RFTN1: variants seen among roughly 807,000 people sequenced by gnomAD.
RFTN1 encodes raftlin.
In RFTN1, 26 loss-of-function variants were observed where a neutral mutation model predicts 46.5. The ratio of observed to expected loss-of-function variants is 0.56; its 90% CI spans 0.41 to 0.78. The LOEUF (loss-of-function observed/expected upper bound fraction) is 0.78. RFTN1 is among the 30% of genes least tolerant of loss of function. The pLI is 0.00. For synonymous variants in RFTN1, 261 were observed against 284.2 expected, an observed-to-expected ratio of 0.92 and a Z score of 0.82; for missense variants, 693 against 718.7, an observed-to-expected ratio of 0.96 and a Z score of 0.41.
Position 16,342,251 on chromosome 3 carries a change from C to T in RFTN1, c.1147-15375G>A, listed in dbSNP as rs1245723715. On this transcript the variant is annotated intron_variant, in intron 7 of 9. Transcript: ENST00000334133. This position sits in a 1 kb window ranked among gnomAD's most constrained non-coding sequence, Gnocchi z 4.0. ...CACGAGTCCACTTTTTGTCTCTATG[C>T]ACTTGCCTCACCTGGATATTTCATA... Among the ~76,000 whole-genome samples, 1 of 152,102 alleles carries T rather than the reference C, an allele frequency of 6.6e-6. No homozygotes were observed. Among genetic ancestry groups the T allele is most frequent in the African/African-American group, 2.4e-5 (1 of 41,394 alleles).
At chr3:16,408,976 G>C (rs1364630831) in intron 4 of RFTN1, among the ~76,000 whole-genome samples, 1 of 152,226 alleles carries the variant, frequency 6.6e-6, no homozygotes. Context: ...GAATGTGGGT[G>C]GCCCAGGACT....
rs1353431709 is a variant in RFTN1 at position 16,425,457 on chromosome 3, T to C, written c.332+8394A>G. Among the ~76,000 whole-genome samples the C allele has an allele frequency of 2.6e-5, 4 of 151,692 alleles. No homozygotes were observed. The South Asian group carries it at 8.3e-4, about 31-fold the overall frequency. ...GGAAATCACTAGTGTGCTAATTCTC[T>C]CTCTCAGAAGAAACAAACAAACAAA... is the stretch of plus-strand genomic sequence containing the variant. On this transcript the variant is annotated intron_variant, in intron 3 of 9. Coordinates refer to ENST00000334133, the MANE Select transcript of RFTN1 (RefSeq NM_015150.2). The surrounding 1 kb of genome is among the most constrained non-coding windows in gnomAD (Gnocchi z 4.3).
intron 3 of RFTN1, among the ~76,000 whole-genome samples, chr3:16,415,099 C>A (rs1159422104): frequency 6.6e-6 from 1 of 152,054 alleles, no homozygotes; most frequent in Non-Finnish European, 1.5e-5. Flanking sequence ...ATGATGATGG[C>A]TCAGAGTGGG....
In RFTN1 at chr3:16,445,466, T is replaced by TTCTCTC. The variant is rs374357758; in HGVS notation, c.146-11435_146-11430dup. Among the ~76,000 whole-genome samples the TTCTCTC allele has an allele frequency of 8.9e-3, 1,039 of 116,216 alleles. 20 individuals carry two copies. The highest frequency in any genetic ancestry group is 0.034 in the African/African-American group (957 of 28,390). The allele number at this position is 116,216 out of a possible 152,430, so 76.2% of individuals were successfully genotyped here. A position where few individuals can be genotyped will look rare whatever the true frequency, so the allele number is the denominator to read the frequency against. On this transcript the variant is annotated intron_variant, in intron 2 of 9. Coordinates refer to ENST00000334133, the MANE Select transcript of RFTN1 (RefSeq NM_015150.2). ...CTGTTGCCATTTTTTCTTTCTCTCTTTCTCTCTCTCTCTCTCTCACACACA... is the reference window on the plus strand; with the variant it reads ...CTGTTGCCATTTTTTCTTTCTCTCTTTCTCTCTCTCTCTCTCTCTCTCTCACACACA...
chr3:16,409,676 C>T (rs1470415393), intron 3 of RFTN1, among the ~76,000 whole-genome samples, 193 bp from the exon 4 acceptor site: 3 of 140,960 alleles, frequency 2.1e-5, no homozygotes, highest in African/African-American at 8.0e-5. Flanking sequence ...CACTACCACA[C>T]CCGGCTAATT....
chr3:16,502,071 T>C (rs2076719301), intron 1 of RFTN1, among the ~76,000 whole-genome samples: 1 of 152,184 alleles, frequency 6.6e-6, no homozygotes, highest in Non-Finnish European at 1.5e-5. Flanking sequence ...CATTTTCAAG[T>C]TTTCTTTGTT....
rs1408716743 is a variant in RFTN1 at position 16,344,169 on chromosome 3, T to A, written c.1146+13763A>T. On this transcript the variant is annotated intron_variant, in intron 7 of 9. Coordinates refer to ENST00000334133, the MANE Select transcript of RFTN1 (RefSeq NM_015150.2). The surrounding 1 kb of genome is among the most constrained non-coding windows in gnomAD (Gnocchi z 4.4). ...TTCTATATTATTGACTTTTTGGAGC[T>A]TAAATACAATTTGTTGATACTTAAA... Among the ~76,000 whole-genome samples, 1 of 152,206 alleles carries A rather than the reference T, an allele frequency of 6.6e-6. No individual in the cohort carries two copies. Among genetic ancestry groups the A allele is most frequent in the African/African-American group, 2.4e-5 (1 of 41,454 alleles).
At chr3:16,510,357 G>T (rs2076876906) in intron 1 of RFTN1, among the ~76,000 whole-genome samples, 1 of 152,154 alleles carries the variant, frequency 6.6e-6, no homozygotes, top group African/African-American at 2.4e-5. Context: ...GGGGCTTGGG[G>T]TTATTTTTCT....
rs1287761435 is a variant in RFTN1, at chr3:16,381,093, A to G, written c.442-2991T>C. On this transcript the variant is annotated intron_variant, in intron 4 of 9. Transcript: ENST00000334133. The surrounding 1 kb of genome is among the most constrained non-coding windows in gnomAD (Gnocchi z 4.2). ...ACGAACAGAGTTTAAAAATAATTAC[A>G]CTATCATGGAACAATTAATGCTTGA... Among the ~76,000 whole-genome samples the G allele has an allele frequency of 6.6e-6, 1 of 152,248 alleles. No individual in the cohort carries two copies. The highest frequency in any genetic ancestry group is 1.9e-4 in the East Asian group (1 of 5,198).
Position 16,493,730 on chromosome 3 carries a change from C to T in RFTN1, c.140G>A (p.Ser47Asn), listed in dbSNP as rs1316857528. 3.1e-6 allele frequency: 5 copies of T among 1,612,924 alleles called. No homozygotes were observed. The East Asian group carries it at 8.9e-5, about 29-fold the overall frequency. The change falls in exon 2 of 10, where the codon AGT (serine) becomes AAT (asparagine). Residue 47 changes from serine (S) to asparagine (N), a missense_variant. Transcript: ENST00000334133. ...TTCCCACCCCATGTACTCACCAGCA[C>T]TCAGAGTCGTGAACTCCAGGAAGCG... ...EYRFLEFTTLSAAELPGSSAV... is the reference protein window; with the variant it reads ...EYRFLEFTTLNAAELPGSSAV...
At position 16,446,403 on chromosome 3, in the gene RFTN1, T is replaced by C. The variant is rs545265278; in HGVS notation, c.146-12366A>G. 1.8e-4 allele frequency among the ~76,000 whole-genome samples: 27 copies of C among 151,964 alleles called. No individual in the cohort carries two copies. The South Asian group carries it at 5.4e-3, about 30-fold the overall frequency. Reference sequence around the variant, plus strand: ...GTCGTGCAACCATCACCACCATCTATCTCCAGGAAATCTTCATCGGCCTCA... The same window carrying C: ...GTCGTGCAACCATCACCACCATCTACCTCCAGGAAATCTTCATCGGCCTCA... On this transcript the variant is annotated intron_variant, in intron 2 of 9. Transcript: ENST00000334133. The surrounding 1 kb of genome is among the most constrained non-coding windows in gnomAD (Gnocchi z 4.5).
intron 6 of RFTN1, among the ~76,000 whole-genome samples, chr3:16,366,740 T>C (rs62236264): frequency 0.046 from 6,851 of 149,504 alleles, 182 homozygotes; most frequent in Middle Eastern, 0.12. Flanking sequence ...TTCACTGAGG[T>C]ATTGTGAGGA....
In RFTN1 at chr3:16,491,402, G is replaced by A. The variant is rs557428257; in HGVS notation, c.145+2323C>T. 6.6e-5 allele frequency among the ~76,000 whole-genome samples: 10 copies of A among 152,330 alleles called. No homozygotes were observed. The South Asian group carries it at 2.1e-3, about 32-fold the overall frequency. ...GTGGTGGCAGCCACAGGAGAGCTCT[G>A]AGCAGAGAACTGGCAGGATCTGTAG... On this transcript the variant is annotated intron_variant, in intron 2 of 9. Coordinates refer to ENST00000334133, the MANE Select transcript of RFTN1 (RefSeq NM_015150.2).
At position 16,429,255 on chromosome 3, in the gene RFTN1, G is replaced by A. The variant is rs781688165; in HGVS notation, c.332+4596C>T. Among the ~76,000 whole-genome samples the A allele has an allele frequency of 6.6e-6, 1 of 152,218 alleles. No individual in the cohort carries two copies. Among genetic ancestry groups the A allele is most frequent in the Non-Finnish European group, 1.5e-5 (1 of 68,036 alleles). On this transcript the variant is annotated intron_variant, in intron 3 of 9. Transcript: ENST00000334133. The surrounding 1 kb of genome is among the most constrained non-coding windows in gnomAD (Gnocchi z 6.4). ...AAGTGAAATCTGTCAAAATGGCAGT[G>A]AGCTCAGAGGAATGTTACTGCACTT...
At chr3:16,319,270 C>G (rs1227972501) in intron 9 of RFTN1, among the ~76,000 whole-genome samples, 1 of 152,150 alleles carries the variant, frequency 6.6e-6, no homozygotes, top group Non-Finnish European at 1.5e-5. Flanking sequence ...TCAGGGAAGT[C>G]AGAGGAAGTT....
In RFTN1 at chr3:16,413,667, C is replaced by T. The variant is rs1190593740; in HGVS notation, c.333-4184G>A. Reference sequence around the variant, plus strand: ...ACACAGGGTTAACTAACAGCAAAAGCCCCCCCAACCTACTTTATCTGGAAA... The same window carrying T: ...ACACAGGGTTAACTAACAGCAAAAGTCCCCCCAACCTACTTTATCTGGAAA... On this transcript the variant is annotated intron_variant, in intron 3 of 9. Transcript: ENST00000334133. The surrounding 1 kb of genome is among the most constrained non-coding windows in gnomAD (Gnocchi z 4.7). Among the ~76,000 whole-genome samples, 1 of 152,086 alleles carries T rather than the reference C, an allele frequency of 6.6e-6. No individual in the cohort carries two copies.
chr3:16,475,181 G>A lies in RFTN1; in HGVS notation c.145+18544C>T, dbSNP rs1179669784. 6.6e-6 allele frequency among the ~76,000 whole-genome samples: 1 copy of A among 152,240 alleles called. No individual in the cohort carries two copies. Among genetic ancestry groups the A allele is most frequent in the Admixed American group, 6.5e-5 (1 of 15,288 alleles). On this transcript the variant is annotated intron_variant, in intron 2 of 9. Coordinates refer to ENST00000334133, the MANE Select transcript of RFTN1 (RefSeq NM_015150.2). This position sits in a 1 kb window ranked among gnomAD's most constrained non-coding sequence, Gnocchi z 4.2. Reference sequence around the variant, plus strand: ...GCACAATGTTTGGAAGCTCCTGGAAGCCCTCACCAGAAGCAGATGCTGACG... The same window carrying A: ...GCACAATGTTTGGAAGCTCCTGGAAACCCTCACCAGAAGCAGATGCTGACG...
At chr3:16,392,940 G>A (rs1182201146) in intron 4 of RFTN1, among the ~76,000 whole-genome samples, 1 of 152,170 alleles carries the variant, frequency 6.6e-6, no homozygotes, top group Non-Finnish European at 1.5e-5. Flanking sequence ...ACTGTTCACA[G>A]CATCTGTTCC....
rs1304001844 is a variant in RFTN1 at position 16,383,977 on chromosome 3, G to A, written c.442-5875C>T. 6.6e-6 allele frequency among the ~76,000 whole-genome samples: 1 copy of A among 152,230 alleles called. No homozygotes were observed. Among genetic ancestry groups the A allele is most frequent in the African/African-American group, 2.4e-5 (1 of 41,462 alleles). ...GTAAAACTCTAGTCTAGATGTTGCTGTAAAGGTATTTTTTAAATGTGTGAT... is the reference window on the plus strand; with the variant it reads ...GTAAAACTCTAGTCTAGATGTTGCTATAAAGGTATTTTTTAAATGTGTGAT... On this transcript the variant is annotated intron_variant, in intron 4 of 9. Coordinates refer to ENST00000334133, the MANE Select transcript of RFTN1 (RefSeq NM_015150.2). The surrounding 1 kb of genome is among the most constrained non-coding windows in gnomAD (Gnocchi z 4.0).
Sources: allele counts gnomAD v4.1 joint callset (sites outside exome capture counted in the v4.1 genomes callset), GRCh38; gene constraint gnomAD v4.1.1; non-coding constraint Gnocchi (gnomAD v3.1); transcripts MANE v1.5; gene names NCBI Gene and HGNC (gene_info 2026-07-23, HGNC 2026-07-21).